Variants in SEC31A observed in about 807,000 individuals in gnomAD.
The protein encoded by SEC31A is SEC31 homolog A, COPII component, also known as protein transport protein Sec31A.
A neutral mutation model predicts 151.0 loss-of-function variants in SEC31A; 70 were observed. The ratio of observed to expected loss-of-function variants is 0.46; its 90% CI spans 0.38 to 0.57. The LOEUF is 0.57. Among genes scored for constraint, SEC31A ranks in the 20% least tolerant of loss-of-function variants. The probability of loss-of-function intolerance (pLI) is 0.00; values close to 1 mark genes in which losing one functional copy is unlikely to be tolerated. For missense variants in SEC31A, 1,330 were observed against 1,471.2 expected, an observed-to-expected ratio of 0.90 and a Z score of 1.57; for synonymous variants, 475 against 505.9, an observed-to-expected ratio of 0.94 and a Z score of 0.82.
chr4:82,891,943 TC>T (rs1319071671), upstream of SEC31A, among the ~76,000 whole-genome samples: 1 of 152,210 alleles, frequency 6.6e-6, no homozygotes, highest in African/African-American at 2.4e-5. Context: ...AACCCAGATC[TC>T]CTAACTTCTA....
At chr4:82,880,121 T>C (rs1262837817) in intron 3 of SEC31A, among the ~76,000 whole-genome samples, 1 of 151,018 alleles carries the variant, frequency 6.6e-6, no homozygotes, top group Non-Finnish European at 1.5e-5. Flanking sequence ...AGGCAGAGGT[T>C]GTGGTGAGCC....
intron 20 of SEC31A, chr4:82,845,149 G>A: frequency 8.4e-7 from 1 of 1,194,820 alleles, no homozygotes; most frequent in Non-Finnish European, 1.2e-6. Flanking sequence ...ACATATAACT[G>A]TATATTTAGG....
intron 3 of SEC31A, among the ~76,000 whole-genome samples, chr4:82,897,190 TA>T (rs1720101933): frequency 6.6e-6 from 1 of 152,250 alleles, no homozygotes; most frequent in South Asian, 2.1e-4. Flanking sequence ...GCATTACGTA[TA>T]AAACAAAGCA....
At chr4:82,882,698 A>C (rs1376223987) in intron 1 of SEC31A, among the ~76,000 whole-genome samples, 2 of 152,234 alleles carry the variant, frequency 1.3e-5, no homozygotes, top group Non-Finnish European at 2.9e-5. Context: ...ATTCAAAGTT[A>C]CAACATATTA....
intron 3 of SEC31A, chr4:82,898,111 C>T (rs1720141444): frequency 6.6e-6 from 1 of 152,286 alleles, no homozygotes; most frequent in Non-Finnish European, 1.5e-5. Context: ...TAGTCAATGC[C>T]TTTGCAAATA....
At chr4:82,899,526 C>G (rs1473928170) in intron 3 of SEC31A, 1 of 152,388 alleles carries the variant, frequency 6.6e-6, no homozygotes, top group African/African-American at 2.4e-5. Flanking sequence ...TTCTTACTCT[C>G]TGCACACACC....
At chr4:82,865,091 A>T (rs1413432370) in intron 10 of SEC31A, among the ~76,000 whole-genome samples, 1 of 152,206 alleles carries the variant, frequency 6.6e-6, no homozygotes, top group African/African-American at 2.4e-5. Flanking sequence ...GAGTGACATA[A>T]AACATATTCA....
intron 20 of SEC31A, among the ~76,000 whole-genome samples, chr4:82,847,830 T>A (rs1002906302): frequency 1.3e-5 from 2 of 152,126 alleles, no homozygotes; most frequent in African/African-American, 4.8e-5. Flanking sequence ...AAAATATTTG[T>A]CAAATGAATG....
intron 10 of SEC31A, among the ~76,000 whole-genome samples, chr4:82,864,804 C>T (rs574199272): frequency 6.7e-6 from 1 of 149,342 alleles, no homozygotes; most frequent in South Asian, 2.1e-4. Context: ...GACAGAGTTT[C>T]GCTCTTAGTC....
At chr4:82,853,426 A>G in intron 18 of SEC31A, 144 bp downstream of exon 18, 1 of 672,946 alleles carries the variant, frequency 1.5e-6, no homozygotes, top group Non-Finnish European at 2.3e-6. Flanking sequence ...TGCTTCTTCA[A>G]AGATAGCAAT....
intron 1 of SEC31A, among the ~76,000 whole-genome samples, chr4:82,888,076 C>CA (rs533268343): frequency 8.5e-5 from 11 of 129,368 alleles, no homozygotes; most frequent in African/African-American, 2.9e-4. Context: ...CAAACAACAA[C>CA]AAAAAAAACA....
chr4:82,844,423 A>C lies in SEC31A; in HGVS notation c.2589T>G (p.His863Gln). The C allele has an allele frequency of 6.2e-7, 1 of 1,614,182 alleles. No homozygotes were observed. The highest frequency in any genetic ancestry group is 1.1e-5 in the South Asian group (1 of 91,088). Residue 863 changes from histidine (H) to glutamine (Q), a missense_variant, in exon 21 of 27, where the codon CAT (histidine) becomes CAG (glutamine). Transcript: ENST00000395310. ...AAGQLPTSPGHMHTQVPPYPQ... is the reference protein window; with the variant it reads ...AAGQLPTSPGQMHTQVPPYPQ... ...GATAAGGTGGTACCTGGGTGTGCAT[A>C]TGACCTGGAGATGTGGGAAGCTGAC...
intron 2 of SEC31A, among the ~76,000 whole-genome samples, chr4:82,881,270 C>A (rs944354200): frequency 2.6e-5 from 4 of 152,070 alleles, no homozygotes; most frequent in African/African-American, 9.7e-5. Context: ...TCAAGACCAT[C>A]CTGGCTAACA....
At chr4:82,830,952 C>A in intron 22 of SEC31A, 1 of 1,224,334 alleles carries the variant, frequency 8.2e-7, no homozygotes, top group Non-Finnish European at 1.1e-6. Flanking sequence ...AACATAGGTG[C>A]CTGGTCTTGG....
At chr4:82,854,569 TTAAG>T (rs1732205722) in intron 17 of SEC31A, among the ~76,000 whole-genome samples, 1 of 152,230 alleles carries the variant, frequency 6.6e-6, no homozygotes, top group African/African-American at 2.4e-5. Flanking sequence ...CTAATATTTA[TTAAG>T]TGAGAGTTAC....
intron 22 of SEC31A, among the ~76,000 whole-genome samples, chr4:82,838,544 C>T (rs914886754): frequency 5.3e-5 from 8 of 152,196 alleles, no homozygotes; most frequent in African/African-American, 1.9e-4. Context: ...CCAGATTAAT[C>T]TCCCTCGCGT....
upstream of SEC31A, among the ~76,000 whole-genome samples, chr4:82,891,552 C>T (rs1490917849): frequency 6.6e-6 from 1 of 152,196 alleles, no homozygotes. Flanking sequence ...CGACACTGCC[C>T]GCGCCAAACC....
At chr4:82,841,163 C>T (rs11731666) in intron 22 of SEC31A, among the ~76,000 whole-genome samples, 27,089 of 151,662 alleles carry the variant, frequency 0.18, 2,758 homozygotes, top group South Asian at 0.34. Context: ...GTGGCTCACG[C>T]CTGTAATCCC....
exon 1 of SEC31A, chr4:82,900,517 G>A (rs889553965): frequency 2.1e-6 from 1 of 474,952 alleles, no homozygotes; most frequent in South Asian, 3.0e-5. Flanking sequence ...TAAACCGGTT[G>A]CAGCAAAACC....
Sources: allele counts gnomAD v4.1 joint callset (sites outside exome capture counted in the v4.1 genomes callset), GRCh38; gene constraint gnomAD v4.1.1; transcripts MANE v1.5; gene names NCBI Gene and HGNC (gene_info 2026-07-23, HGNC 2026-07-21).